The following RABL6 variants were observed in gnomAD, a reference collection of about 807,000 sequenced individuals.
The protein encoded by RABL6 is RAB, member RAS oncogene family like 6.
Under a neutral mutation model 72.9 loss-of-function variants are expected in RABL6, and 28 were observed. The observed-to-expected ratio is 0.38, with a 90% CI of 0.28 to 0.53. The LOEUF (loss-of-function observed/expected upper bound fraction) is 0.53. Ranked by LOEUF, RABL6 falls within the 20% of genes least tolerant of loss-of-function variation. The pLI, the probability that RABL6 is intolerant of heterozygous loss-of-function variation, is 0.80. For missense variants in RABL6, 1,029 were observed against 1,008.4 expected (o/e 1.02, Z -0.28); for synonymous variants, 477 against 421.2 (o/e 1.13, Z -1.62).
In RABL6 at chr9:136,837,924, G is replaced by C. The variant is rs746453187; in HGVS notation, c.1189G>C (p.Asp397His). The C allele has an allele frequency of 6.4e-7, 1 of 1,554,880 alleles. No individual in the cohort carries two copies. Among genetic ancestry groups the C allele is most frequent in the Non-Finnish European group, 8.7e-7 (1 of 1,149,788 alleles). The change falls in exon 10 of 15, where the codon GAC becomes CAC. Residue 397 changes from aspartate to histidine, a missense_variant. Asp to His is a moderately conservative substitution (Grantham distance 81). Transcript: ENST00000311502. ...GAGTGTGGAGGACTTTGTTCCTGAC[G>C]ACCGCCTGGACCGCAGCTTCCTGGA... ...VQSVEDFVPDDRLDRSFLEDT... is the reference protein window; with the variant it reads ...VQSVEDFVPDHRLDRSFLEDT...
At chr9:136,835,566 T>C in intron 7 of RABL6, 176 bp from the exon 8 acceptor site, 1 of 586,998 alleles carries the variant, frequency 1.7e-6, no homozygotes, top group South Asian at 2.2e-5. Context: ...TCCTCTGGGC[T>C]TCTGTGGTTC....
chr9:136,838,888 G>A (rs1445259123), intron 10 of RABL6, 21 bp from the exon 11 acceptor site: 14 of 1,540,112 alleles, frequency 9.1e-6, no homozygotes, highest in African/African-American at 4.1e-5. Flanking sequence ...GCCCTTGACC[G>A]CTTTGCCCCC....
chr9:136,817,514 G>C (rs1349188197), intron 1 of RABL6, among the ~76,000 whole-genome samples: 2 of 150,420 alleles, frequency 1.3e-5, no homozygotes, highest in African/African-American at 4.9e-5. Flanking sequence ...TGGGCTGAGG[G>C]GAGGCCGACG....
intron 7 of RABL6, chr9:136,834,040 G>A: frequency 6.8e-7 from 1 of 1,461,496 alleles, no homozygotes; most frequent in Non-Finnish European, 9.1e-7. Flanking sequence ...GAAGCGTAGG[G>A]CTGAGCTGTG....
At chr9:136,839,658 G>A (rs773582190) in intron 12 of RABL6, 36 bp from the exon 13 acceptor site, 5 of 1,554,864 alleles carry the variant, frequency 3.2e-6, no homozygotes, top group East Asian at 4.5e-5. Flanking sequence ...GGTGTGGGAG[G>A]GATGATGGCC....
At chr9:136,823,800 G>C (rs991757031) in intron 2 of RABL6, 141 bp downstream of exon 2, 4 of 1,142,986 alleles carry the variant, frequency 3.5e-6, no homozygotes, top group Middle Eastern at 3.1e-4. Context: ...TGGGGGCCCT[G>C]GCGTGAACTC....
Position 136,828,408 on chromosome 9 carries a change from C to A in RABL6, c.314-86C>A. 5.8e-6 allele frequency: 8 copies of A among 1,376,954 alleles called. No individual in the cohort carries two copies. In the South Asian group the frequency reaches 8.4e-5, roughly 14 times the overall value. The allele number at this position is 1,376,954 out of a possible 1,614,324, so 85.3% of individuals were successfully genotyped here. ...GTAGAGCACCCGCTGGAGCTGGGGG[C>A]TGAGTGGCCATGGGGGGACCATGCT... is the stretch of plus-strand genomic sequence containing the variant. On this transcript the variant is annotated intron_variant, in intron 3 of 14. Coordinates refer to ENST00000311502, the MANE Select transcript of RABL6 (RefSeq NM_024718.5).
chr9:136,808,373 C>G, intron 1 of RABL6, 47 bp downstream of exon 1: 1 of 1,427,422 alleles, frequency 7.0e-7, no homozygotes, highest in Non-Finnish European at 9.2e-7. Flanking sequence ...CGCGGGTCTC[C>G]GAACCCAGGC....
intron 1 of RABL6, among the ~76,000 whole-genome samples, chr9:136,823,171 C>T (rs1338777727): frequency 1.3e-5 from 2 of 151,652 alleles, no homozygotes; most frequent in Admixed American, 1.3e-4. Context: ...GTGGAGAGCT[C>T]CTCAGGTGGT....
At chr9:136,834,022 T>C (rs976475590) in intron 7 of RABL6, 10 of 1,478,480 alleles carry the variant, frequency 6.8e-6, no homozygotes, top group Non-Finnish European at 9.0e-6. Context: ...GGACAGAGTC[T>C]TGAGCTGGAA....
At chr9:136,821,507 C>G in intron 1 of RABL6, 1 of 985,392 alleles carries the variant, frequency 1.0e-6, no homozygotes, top group Non-Finnish European at 1.2e-6. Flanking sequence ...CCCAGCGAGG[C>G]TATGCGTGCG....
chr9:136,809,240 A>G (rs148691773), intron 1 of RABL6: 1 of 159,396 alleles, frequency 6.3e-6, no homozygotes, highest in African/African-American at 2.4e-5. Context: ...AATGATCAGA[A>G]AGACTCTTGT....
At chr9:136,838,256 T>C (rs1272172581) in intron 10 of RABL6, among the ~76,000 whole-genome samples, 3 of 152,292 alleles carry the variant, frequency 2.0e-5, no homozygotes, top group East Asian at 3.9e-4. Flanking sequence ...CAGGGGCACC[T>C]TGGGGTCTTC....
At chr9:136,834,533 C>T (rs888043321) in intron 7 of RABL6, 10 of 905,930 alleles carry the variant, frequency 1.1e-5, no homozygotes, top group East Asian at 1.2e-4. Context: ...GGCTGGAGTA[C>T]GGTGGTGCAA....
At chr9:136,829,583 T>C in intron 5 of RABL6, 99 bp downstream of exon 5, 3 of 1,104,444 alleles carry the variant, frequency 2.7e-6, no homozygotes, top group Non-Finnish European at 4.0e-6. Flanking sequence ...AGCAGCATCG[T>C]TCTGCAGGAC....
rs1209637634 is a variant in RABL6, at chr9:136,816,672, G to A, written c.131-6853G>A. Among the ~76,000 whole-genome samples the A allele has an allele frequency of 7.1e-5, 10 of 141,646 alleles. No homozygotes were observed. In the East Asian group the frequency reaches 7.3e-4, roughly 10 times the overall value. The allele number at this position is 141,646 out of a possible 152,430, so 92.9% of individuals were successfully genotyped here. ...GTGGAGGTTGCAGTGGGTCGAGATCGCGCCACTGCACTCCAGCCTGGGTGA... is the reference window on the plus strand; with the variant it reads ...GTGGAGGTTGCAGTGGGTCGAGATCACGCCACTGCACTCCAGCCTGGGTGA... On this transcript the variant is annotated intron_variant, in intron 1 of 14. Coordinates refer to ENST00000311502, the MANE Select transcript of RABL6 (RefSeq NM_024718.5).
chr9:136,818,523 C>G (rs933502668), intron 1 of RABL6, among the ~76,000 whole-genome samples: 10 of 151,526 alleles, frequency 6.6e-5, no homozygotes, highest in Non-Finnish European at 1.5e-4. Flanking sequence ...GTGGGTGGAT[C>G]ACGAGGTCAG....
At chr9:136,834,894 C>T (rs902889782) in intron 7 of RABL6, among the ~76,000 whole-genome samples, 2 of 139,958 alleles carry the variant, frequency 1.4e-5, no homozygotes, top group Non-Finnish European at 3.0e-5. Context: ...TCCAGATCTT[C>T]TGCCTGGGCA....
At chr9:136,836,870 C>T in intron 8 of RABL6, 1 of 319,586 alleles carries the variant, frequency 3.1e-6, no homozygotes. Context: ...CACCCTTTGG[C>T]ACTGCTGCTC....
Sources: allele counts gnomAD v4.1 joint callset (sites outside exome capture counted in the v4.1 genomes callset), GRCh38; gene constraint gnomAD v4.1.1; transcripts MANE v1.5; gene names NCBI Gene and HGNC (gene_info 2026-07-23, HGNC 2026-07-21).